The following LIN54 variants were observed in gnomAD, a reference collection of about 807,000 sequenced individuals.
The protein encoded by LIN54 is protein lin-54 homolog.
In LIN54, 9 loss-of-function variants were observed where a neutral mutation model predicts 78.7. That is an observed-to-expected ratio of 0.11 (90% CI 0.07 to 0.20). The LOEUF (loss-of-function observed/expected upper bound fraction) is 0.20, where lower values mean the gene tolerates loss of function less well. LIN54 is among the 10% of genes least tolerant of loss of function. LIN54 has a pLI of 1.00. For missense variants in LIN54, 573 were observed against 889.9 expected (o/e 0.64, Z 4.53); for synonymous variants, 269 against 318.4 (o/e 0.84, Z 1.65).
intron 4 of LIN54, among the ~76,000 whole-genome samples, chr4:82,965,453 T>C (rs1453197766): frequency 1.3e-5 from 2 of 152,096 alleles, no homozygotes; most frequent in African/African-American, 2.4e-5. Context: ...AGAATAATCA[T>C]GGGAAACACC....
intron 11 of LIN54, among the ~76,000 whole-genome samples, chr4:82,935,719 A>G (rs2126032636): frequency 1.3e-5 from 2 of 152,282 alleles, no homozygotes; most frequent in South Asian, 4.1e-4. Context: ...TCTGATCTGC[A>G]TACTTTCTGA....
At chr4:82,942,303 G>T (rs1722971992) in intron 5 of LIN54, among the ~76,000 whole-genome samples, 1 of 152,156 alleles carries the variant, frequency 6.6e-6, no homozygotes, top group Non-Finnish European at 1.5e-5. Context: ...GAGACGTCTA[G>T]AGAGAATATA....
intron 3 of LIN54, among the ~76,000 whole-genome samples, chr4:82,974,143 G>C (rs1469906019): frequency 6.6e-6 from 1 of 151,326 alleles, no homozygotes; most frequent in African/African-American, 2.4e-5. Context: ...CCAGGAGGCG[G>C]AGCTTGCAGT....
intron 1 of LIN54, among the ~76,000 whole-genome samples, chr4:82,999,980 C>G (rs1728617482): frequency 6.6e-6 from 1 of 151,966 alleles, no homozygotes; most frequent in Non-Finnish European, 1.5e-5. Context: ...GCAGCCTCGA[C>G]CTCCTGGGCT....
chr4:82,930,272 C>T (rs769532139), intron 12 of LIN54, among the ~76,000 whole-genome samples: 5 of 152,204 alleles, frequency 3.3e-5, no homozygotes, highest in Non-Finnish European at 7.4e-5. Flanking sequence ...TAACCTCTAA[C>T]AAACTTTCTA....
At chr4:82,940,094 A>G in intron 5 of LIN54, 132 bp from the exon 6 acceptor site, 2 of 676,554 alleles carry the variant, frequency 3.0e-6, no homozygotes, top group Non-Finnish European at 5.0e-6. Flanking sequence ...TCCTAATTTG[A>G]GCAATCTTTA....
At chr4:82,943,640 A>G (rs1355316731) in intron 5 of LIN54, among the ~76,000 whole-genome samples, 3 of 152,088 alleles carry the variant, frequency 2.0e-5, no homozygotes, top group Non-Finnish European at 2.9e-5. Flanking sequence ...ATGGGCGTAT[A>G]TGTATGTGGC....
chr4:82,984,531 T>C lies in LIN54; in HGVS notation c.314A>G (p.Gln105Arg), dbSNP rs1352475799. Reference protein sequence around the residue: ...FPSGLQKLGAQTPVTISANQI... With the variant: ...FPSGLQKLGARTPVTISANQI... The stretch of plus-strand genomic sequence containing the variant: ...ATTGGCTGATATAGTCACAGGAGTC[T>C]GAGCACCAAGTTTTTGAAGGCCACT... Residue 105 changes from glutamine (Q) to arginine (R), a missense_variant, in exon 2 of 13, where the codon CAG becomes CGG. This residue lies in a region of LIN54 where 183 missense variants were observed against 228.4 expected (regional missense o/e 0.80). Coordinates refer to ENST00000340417, the MANE Select transcript of LIN54 (RefSeq NM_194282.4). 5.6e-6 allele frequency: 9 copies of C among 1,614,214 alleles called. No homozygotes were observed. In the East Asian group the frequency reaches 2.0e-4, roughly 36 times the overall value.
At chr4:82,963,157 C>T (rs971115593) in intron 4 of LIN54, among the ~76,000 whole-genome samples, 1 of 152,062 alleles carries the variant, frequency 6.6e-6, no homozygotes, top group Non-Finnish European at 1.5e-5. Context: ...TTACAGTATA[C>T]TTCTTGCCAG....
chr4:82,924,635 AAAAC>A lies in LIN54; in HGVS notation c.*3463_*3466del, dbSNP rs887277525. 8 of 152,320 alleles carry A rather than the reference AAAAC, an allele frequency of 5.3e-5. No homozygotes were observed. The highest frequency in any genetic ancestry group is 4.6e-4 in the Admixed American group (7 of 15,304). The allele number at this position is 152,320 out of a possible 1,614,324, so 9.4% of individuals were successfully genotyped here. ...TTTAGAAGGAAATTTTTAATTAAAA[AAAAC>A]CTTATAGCTTTCAACTCATAAAATC... On this transcript the variant is annotated 3_prime_UTR_variant, in exon 13 of 13. Coordinates refer to ENST00000340417, the MANE Select transcript of LIN54 (RefSeq NM_194282.4).
intron 5 of LIN54, among the ~76,000 whole-genome samples, chr4:82,942,174 A>G (rs941771804): frequency 2.0e-5 from 3 of 152,150 alleles, no homozygotes; most frequent in Non-Finnish European, 4.4e-5. Flanking sequence ...TGGAAGGATG[A>G]TGGCTAAAGA....
chr4:83,008,143 C>G (rs1379982038), intron 1 of LIN54, among the ~76,000 whole-genome samples: 2 of 152,122 alleles, frequency 1.3e-5, no homozygotes, highest in African/African-American at 4.8e-5. Context: ...TGAAGTATAT[C>G]TCTGAGATTG....
At position 82,930,974 on chromosome 4, in the gene LIN54, G is replaced by A. The variant is rs1439856443; in HGVS notation, c.2017C>T (p.Pro673Ser). 13 of 1,614,128 alleles carry A rather than the reference G, an allele frequency of 8.1e-6. No individual in the cohort carries two copies. The South Asian group carries it at 1.4e-4, about 18-fold the overall frequency. ...CCTCCACTATTTAAAGCTGGTGTTGGCCTAGTAAGCAAGTCTGAAATTTGA... is the reference window on the plus strand; with the variant it reads ...CCTCCACTATTTAAAGCTGGTGTTGACCTAGTAAGCAAGTCTGAAATTTGA... ...SSQISDLLTRPTPALNSGGGK... is the reference protein window; with the variant it reads ...SSQISDLLTRSTPALNSGGGK... The change falls in exon 12 of 13, where the codon CCA (proline) becomes TCA (serine). Residue 673 changes from proline (P) to serine (S), a missense_variant. Around this residue, in one of 6 missense-constraint regions of LIN54, gnomAD observed 82 missense variants for 140.8 expected, o/e 0.58. Coordinates refer to ENST00000340417, the MANE Select transcript of LIN54 (RefSeq NM_194282.4).
intron 1 of LIN54, among the ~76,000 whole-genome samples, chr4:83,005,188 A>C (rs1208371452): frequency 1.3e-5 from 2 of 152,156 alleles, no homozygotes; most frequent in Non-Finnish European, 2.9e-5. Flanking sequence ...GAGCCACCGC[A>C]CCTGGCCTAT....
intron 3 of LIN54, among the ~76,000 whole-genome samples, chr4:82,970,751 C>T (rs1355448322): frequency 6.6e-6 from 1 of 152,182 alleles, no homozygotes; most frequent in Non-Finnish European, 1.5e-5. Context: ...AAGCTCAGGG[C>T]AACTAAGTAA....
intron 4 of LIN54, among the ~76,000 whole-genome samples, chr4:82,964,679 T>G (rs1413527534): frequency 6.6e-6 from 1 of 151,396 alleles, no homozygotes; most frequent in South Asian, 2.1e-4. Flanking sequence ...TGAAAAAAAA[T>G]TTAACCCAGG....
At chr4:82,986,736 C>A (rs1215209362) in intron 1 of LIN54, among the ~76,000 whole-genome samples, 3 of 150,476 alleles carry the variant, frequency 2.0e-5, no homozygotes, top group Admixed American at 2.0e-4. Flanking sequence ...AGATACAACA[C>A]CCATCCAAAA....
intron 4 of LIN54, among the ~76,000 whole-genome samples, chr4:82,961,645 T>C (rs1403723626): frequency 6.6e-6 from 1 of 152,132 alleles, no homozygotes; most frequent in Non-Finnish European, 1.5e-5. Context: ...TAAAGATGCA[T>C]TTCTGTTCAC....
chr4:82,938,823 A>G (rs563283084), intron 7 of LIN54, among the ~76,000 whole-genome samples: 3 of 152,352 alleles, frequency 2.0e-5, no homozygotes, highest in Admixed American at 2.0e-4. Flanking sequence ...TGGGCTAGAA[A>G]AATGCAATGT....
Sources: gnomAD v4.1 joint callset for allele counts (sites outside exome capture counted in the v4.1 genomes callset) on GRCh38, gnomAD v4.1.1 for gene constraint, gnomAD v4.1.1 regional missense constraint, MANE v1.5 for transcripts, NCBI Gene and HGNC (gene_info 2026-07-23, HGNC 2026-07-21) for gene names.